Variants in ZMYM2 observed in about 807,000 individuals in gnomAD.
ZMYM2 encodes zinc finger MYM-type protein 2.
A neutral mutation model predicts 162.8 loss-of-function variants in ZMYM2; 56 were observed. The ratio of observed to expected loss-of-function variants is 0.34; its 90% CI spans 0.28 to 0.43. The LOEUF (loss-of-function observed/expected upper bound fraction) is 0.43. ZMYM2 is among the 20% of genes least tolerant of loss of function. The pLI is 1.00. For synonymous variants in ZMYM2, 510 were observed against 541.6 expected (o/e 0.94, Z 0.81); for missense variants, 1,275 against 1,621.8 (o/e 0.79, Z 3.67).
intron 7 of ZMYM2, among the ~76,000 whole-genome samples, chr13:20,024,092 G>A (rs111570103): frequency 0.055 from 8,411 of 151,870 alleles, 263 homozygotes; most frequent in South Asian, 0.091. Context: ...GCACCACCAC[G>A]CCTGGCTAAC....
At chr13:19,977,121 A>G (rs188412893) in intron 2 of ZMYM2, among the ~76,000 whole-genome samples, 115 of 152,340 alleles carry the variant, frequency 7.5e-4, no homozygotes, top group East Asian at 5.2e-3. Flanking sequence ...TGCATATATT[A>G]GGTTTTCTAT....
the ZMYM2 span, among the ~76,000 whole-genome samples, chr13:19,880,298 A>G: frequency 6.6e-6 from 1 of 152,178 alleles, no homozygotes; most frequent in African/African-American, 2.4e-5. Context: ...CAGTTCATGA[A>G]CACGGAATGT....
chr13:19,989,792 C>T (rs1288820492), intron 2 of ZMYM2, among the ~76,000 whole-genome samples: 1 of 152,224 alleles, frequency 6.6e-6, no homozygotes, highest in Non-Finnish European at 1.5e-5. Context: ...CTCGCCACTA[C>T]CCTTCTCAGC....
chr13:20,002,545 A>T (rs1274570151), intron 3 of ZMYM2, among the ~76,000 whole-genome samples: 2 of 152,146 alleles, frequency 1.3e-5, no homozygotes, highest in African/African-American at 4.8e-5. Context: ...TGTGTACAAC[A>T]TGTTGCTTTG....
At chr13:20,056,412 G>A (rs1366976548) in intron 14 of ZMYM2, among the ~76,000 whole-genome samples, 2 of 152,148 alleles carry the variant, frequency 1.3e-5, no homozygotes, top group Non-Finnish European at 2.9e-5. Flanking sequence ...CCCAATGTAG[G>A]AGTTCTTTTC....
intron 6 of ZMYM2, among the ~76,000 whole-genome samples, chr13:20,011,484 A>G (rs1226727454): frequency 6.6e-6 from 1 of 151,386 alleles, no homozygotes; most frequent in African/African-American, 2.4e-5. Flanking sequence ...CATTCTGTAT[A>G]TGTTTTGCAA....
intron 4 of ZMYM2, 125 bp from the exon 5 acceptor site, chr13:20,004,945 GATTT>G (rs1950635051): frequency 3.2e-6 from 2 of 633,262 alleles, no homozygotes; most frequent in Non-Finnish European, 4.9e-6. Context: ...TAATAAAAAT[GATTT>G]ATTAGATCCA....
At chr13:19,924,249 T>C in the ZMYM2 span, among the ~76,000 whole-genome samples, 4 of 152,144 alleles carry the variant, frequency 2.6e-5, no homozygotes, top group Admixed American at 2.6e-4. Context: ...ATTAAATACT[T>C]CATATAAGTG....
chr13:19,911,729 T>C, the ZMYM2 span, among the ~76,000 whole-genome samples: 50 of 152,204 alleles, frequency 3.3e-4, no homozygotes, highest in Non-Finnish European at 1.0e-4. Context: ...AGTTCCAGCA[T>C]GCATATTTGC....
chr13:20,063,295 C>T (rs1312468734), intron 18 of ZMYM2, among the ~76,000 whole-genome samples: 1 of 144,424 alleles, frequency 6.9e-6, no homozygotes, highest in African/African-American at 2.6e-5. Flanking sequence ...CCCAGCTACT[C>T]GGGAGGCTGA....
chr13:19,976,615 A>G (rs1259724159), intron 2 of ZMYM2, among the ~76,000 whole-genome samples: 1 of 152,182 alleles, frequency 6.6e-6, no homozygotes, highest in Non-Finnish European at 1.5e-5. Flanking sequence ...CTTTCTGTTT[A>G]TGAATTTGAC....
chr13:19,979,765 G>A (rs990817961), intron 2 of ZMYM2, among the ~76,000 whole-genome samples: 2 of 152,142 alleles, frequency 1.3e-5, no homozygotes, highest in African/African-American at 4.8e-5. Flanking sequence ...GAGGAATGAG[G>A]GATAGTGGCT....
the ZMYM2 span, among the ~76,000 whole-genome samples, chr13:19,941,182 G>T: frequency 6.6e-6 from 1 of 152,024 alleles, no homozygotes; most frequent in Non-Finnish European, 1.5e-5. Flanking sequence ...TGTGGTTTGT[G>T]CCTGTGGTCC....
At chr13:19,921,190 A>G in the ZMYM2 span, among the ~76,000 whole-genome samples, 2 of 152,016 alleles carry the variant, frequency 1.3e-5, no homozygotes, top group Admixed American at 1.3e-4. Flanking sequence ...CCCAGGCTGG[A>G]GTGCAATGGC....
At chr13:20,063,515 T>C (rs972162993) in intron 18 of ZMYM2, among the ~76,000 whole-genome samples, 1 of 151,512 alleles carries the variant, frequency 6.6e-6, no homozygotes, top group African/African-American at 2.4e-5. Flanking sequence ...GTGCGGTGGC[T>C]TATGCCTGTA....
chr13:20,003,018 A>G lies in ZMYM2; in HGVS notation c.1016A>G (p.Gln339Arg). The G allele has an allele frequency of 6.2e-7, 1 of 1,614,196 alleles. No homozygotes were observed. The highest frequency in any genetic ancestry group is 1.3e-5 in the African/African-American group (1 of 75,054). The change falls in exon 4 of 25, where the codon CAG becomes CGG. Residue 339 changes from glutamine (Q) to arginine (R), a missense_variant. Around this residue, in one of 10 missense-constraint regions of ZMYM2, gnomAD observed 115 missense variants for 175.3 expected, o/e 0.66. Coordinates refer to ENST00000610343, the MANE Select transcript of ZMYM2 (RefSeq NM_197968.4). The part of the protein sequence containing the change: ...VTCANCKKPL[Q>R]KGQTAYQRKG... ...TGTGCAAACTGCAAAAAACCTTTAC[A>G]GAAGGGCCAGACAGCTTATCAACGA...
the ZMYM2 span, among the ~76,000 whole-genome samples, chr13:19,909,507 A>G: frequency 5.0e-5 from 7 of 138,924 alleles, no homozygotes; most frequent in African/African-American, 1.6e-4. Flanking sequence ...GTCTTGGCTC[A>G]CTGCAACCTC....
At chr13:20,030,780 C>T (rs1191827530) in intron 9 of ZMYM2, among the ~76,000 whole-genome samples, 4 of 152,054 alleles carry the variant, frequency 2.6e-5, no homozygotes, top group Non-Finnish European at 4.4e-5. Flanking sequence ...GTGATCTGCC[C>T]GCCTTGACCT....
At chr13:19,899,970 A>C in the ZMYM2 span, among the ~76,000 whole-genome samples, 1 of 152,116 alleles carries the variant, frequency 6.6e-6, no homozygotes, top group African/African-American at 2.4e-5. Flanking sequence ...GAAATAAAGG[A>C]GAGGACATTA....
Sources: allele counts gnomAD v4.1 joint callset (sites outside exome capture counted in the v4.1 genomes callset), GRCh38; gene constraint gnomAD v4.1.1; regional missense constraint gnomAD v4.1.1; transcripts MANE v1.5; gene names NCBI Gene and HGNC (gene_info 2026-07-23, HGNC 2026-07-21).